The following BTBD9 variants were observed in gnomAD, a reference collection of about 807,000 sequenced individuals.
BTBD9 encodes BTB/POZ domain-containing protein 9.
Under a neutral mutation model 64.3 loss-of-function variants are expected in BTBD9, and 49 were observed. The ratio of observed to expected loss-of-function variants is 0.76; its 90% CI spans 0.61 to 0.97. BTBD9 has a LOEUF of 0.97. Among genes scored for constraint, BTBD9 ranks in the 50% least tolerant of loss-of-function variants. BTBD9 has a pLI of 0.00. For synonymous variants in BTBD9, 260 were observed against 274.7 expected (o/e 0.95, Z 0.53); for missense variants, 598 against 762.1 (o/e 0.78, Z 2.53).
chr6:38,441,805 T>C (rs1769046681), intron 6 of BTBD9, among the ~76,000 whole-genome samples: 1 of 152,158 alleles, frequency 6.6e-6, no homozygotes, highest in Non-Finnish European at 1.5e-5. Flanking sequence ...TTACATATAT[T>C]ACCTCATTAT....
At chr6:38,216,002 G>C (rs1406636524) in intron 9 of BTBD9, among the ~76,000 whole-genome samples, 1 of 152,128 alleles carries the variant, frequency 6.6e-6, no homozygotes, top group African/African-American at 2.4e-5. Flanking sequence ...ATCAATTTTC[G>C]GGTTCTGAGG....
At chr6:38,496,362 G>T (rs1267118032) in intron 6 of BTBD9, among the ~76,000 whole-genome samples, 2 of 152,142 alleles carry the variant, frequency 1.3e-5, no homozygotes, top group African/African-American at 4.8e-5. Flanking sequence ...ATGCAAATCA[G>T]CCAGGCGCAG....
At position 38,634,116 on chromosome 6, in the gene BTBD9, T is replaced by C. The variant is rs115560035; in HGVS notation, c.-28+5684A>G. 1.6e-3 allele frequency among the ~76,000 whole-genome samples: 244 copies of C among 152,336 alleles called. 3 individuals are homozygous for C. Among genetic ancestry groups the C allele is most frequent in the African/African-American group, 5.7e-3 (238 of 41,584 alleles). The stretch of plus-strand genomic sequence containing the variant: ...AGATAAATGAGAGAGAACAAGCACC[T>C]AGGCAGAATAGTGAGTAGCTAAGCT... On this transcript the variant is annotated intron_variant, in intron 1 of 10. Coordinates refer to ENST00000481247, the MANE Select transcript of BTBD9 (RefSeq NM_001099272.2).
chr6:38,423,555 C>T (rs1026622670), intron 6 of BTBD9, among the ~76,000 whole-genome samples: 3 of 152,094 alleles, frequency 2.0e-5, no homozygotes, highest in South Asian at 4.1e-4. Flanking sequence ...TCCTCTGCCT[C>T]GGGCTCCCAA....
chr6:38,381,645 T>C (rs1056201043), intron 6 of BTBD9, among the ~76,000 whole-genome samples: 5 of 152,138 alleles, frequency 3.3e-5, no homozygotes, highest in African/African-American at 1.2e-4. Context: ...ATATACATTC[T>C]TTTCAAGTAC....
At chr6:38,262,949 T>C (rs977798282) in intron 8 of BTBD9, among the ~76,000 whole-genome samples, 6 of 152,252 alleles carry the variant, frequency 3.9e-5, no homozygotes, top group African/African-American at 1.2e-4. Context: ...CTGTTTTGCC[T>C]GTTTCTAACT....
chr6:38,614,113 C>T (rs1250524903), intron 1 of BTBD9, among the ~76,000 whole-genome samples: 4 of 152,144 alleles, frequency 2.6e-5, no homozygotes, highest in African/African-American at 9.7e-5. Context: ...TCTCATACCT[C>T]CAGCCTTTTA....
intron 9 of BTBD9, among the ~76,000 whole-genome samples, chr6:38,222,993 A>G (rs1415757289): frequency 6.6e-6 from 1 of 151,844 alleles, no homozygotes; most frequent in Non-Finnish European, 1.5e-5. Flanking sequence ...TGCAACCTCC[A>G]CCTCCCGGGT....
At chr6:38,179,185 T>TAA (rs1282958605) in intron 10 of BTBD9, among the ~76,000 whole-genome samples, 1 of 152,182 alleles carries the variant, frequency 6.6e-6, no homozygotes, top group Non-Finnish European at 1.5e-5. Flanking sequence ...TTTCTTAAAC[T>TAA]AAAAAAGTTA....
At position 38,377,929 on chromosome 6, in the gene BTBD9, T is replaced by A. The variant is rs112887334; in HGVS notation, c.1155-32836A>T. Among the ~76,000 whole-genome samples the A allele has an allele frequency of 6.9e-3, 1,049 of 152,312 alleles. 10 individuals carry two copies. Among genetic ancestry groups the A allele is most frequent in the African/African-American group, 0.023 (976 of 41,562 alleles). On this transcript the variant is annotated intron_variant, in intron 6 of 10. Coordinates refer to ENST00000481247, the MANE Select transcript of BTBD9 (RefSeq NM_001099272.2). ...TTAGATTCCTTCTTGAAAAAGATAT[T>A]TTAAAAGATACAGGTGCTGCAGAAT...
chr6:38,597,755 TAAC>T (rs1166903371), intron 2 of BTBD9, among the ~76,000 whole-genome samples, 152 bp downstream of exon 2: 3 of 152,158 alleles, frequency 2.0e-5, no homozygotes, highest in African/African-American at 7.2e-5. Context: ...TCTCAAAAAA[TAAC>T]AAAGTCTACA....
At chr6:38,537,249 AAAC>A (rs1317914914) in intron 6 of BTBD9, among the ~76,000 whole-genome samples, 1 of 152,238 alleles carries the variant, frequency 6.6e-6, no homozygotes, top group Non-Finnish European at 1.5e-5. Context: ...AAACAGAGTT[AAAC>A]GATCCAAATG....
At chr6:38,196,656 G>A (rs888198963) in intron 9 of BTBD9, among the ~76,000 whole-genome samples, 3 of 152,226 alleles carry the variant, frequency 2.0e-5, no homozygotes, top group Admixed American at 6.5e-5. Context: ...AAGATGTAGT[G>A]CCCCTTCCTT....
intron 1 of BTBD9, among the ~76,000 whole-genome samples, chr6:38,598,886 C>T (rs908488530): frequency 6.6e-6 from 1 of 152,084 alleles, no homozygotes; most frequent in African/African-American, 2.4e-5. Flanking sequence ...CATTGCACTC[C>T]AGCCTGGGCC....
At chr6:38,308,327 C>T (rs763226805) in intron 7 of BTBD9, among the ~76,000 whole-genome samples, 1 of 152,084 alleles carries the variant, frequency 6.6e-6, no homozygotes, top group East Asian at 1.9e-4. Flanking sequence ...TTCTTTCCTC[C>T]GGACATAACT....
chr6:38,278,856 A>G (rs1761391179), intron 8 of BTBD9, among the ~76,000 whole-genome samples: 1 of 152,212 alleles, frequency 6.6e-6, no homozygotes, highest in South Asian at 2.1e-4. Flanking sequence ...TAATAAGGTA[A>G]AAGGAAGAAA....
chr6:38,594,574 G>C, intron 2 of BTBD9, among the ~76,000 whole-genome samples: 1 of 152,166 alleles, frequency 6.6e-6, no homozygotes, highest in Non-Finnish European at 1.5e-5. Flanking sequence ...CTCAAGATAT[G>C]TGACAGATAT....
intron 6 of BTBD9, among the ~76,000 whole-genome samples, chr6:38,406,344 GTGT>G (rs1767163320): frequency 6.6e-6 from 1 of 152,158 alleles, no homozygotes; most frequent in Non-Finnish European, 1.5e-5. Context: ...GATTGTGTGT[GTGT>G]TTTTTTAATC....
chr6:38,594,194 CCTT>C lies in BTBD9; in HGVS notation c.316_318del (p.Lys106del). ...CTCAAAAAGTCCAGCAGCACCTCCT[CCTT>C]CTCATCTGTCAGCGTTGCCCGCCCA... On this transcript the variant is annotated inframe_deletion, in exon 3 of 11. Coordinates refer to ENST00000481247, the MANE Select transcript of BTBD9 (RefSeq NM_001099272.2). The C allele has an allele frequency of 1.2e-6, 2 of 1,614,200 alleles. No homozygotes were observed. Among genetic ancestry groups the C allele is most frequent in the Non-Finnish European group, 1.7e-6 (2 of 1,180,024 alleles).
Sources: gnomAD v4.1 joint callset for allele counts (sites outside exome capture counted in the v4.1 genomes callset) on GRCh38, gnomAD v4.1.1 for gene constraint, MANE v1.5 for transcripts, NCBI Gene and HGNC (gene_info 2026-07-23, HGNC 2026-07-21) for gene names.